Variants in RAB20 observed in about 807,000 individuals in gnomAD.
The protein encoded by RAB20 is ras-related protein Rab-20.
RAB20 carries 2 observed loss-of-function variants against 3.7 expected under a neutral mutation model. The observed-to-expected ratio is 0.54, with a 90% CI of 0.22 to 1.69. The LOEUF (loss-of-function observed/expected upper bound fraction) is 1.69, where lower values mean the gene tolerates loss of function less well. RAB20 is among the 40% of genes most tolerant of loss of function. The probability of loss-of-function intolerance (pLI) is 0.19; values close to 1 mark genes in which losing one functional copy is unlikely to be tolerated. For missense variants in RAB20, 276 were observed against 311.9 expected, an observed-to-expected ratio of 0.88 and a Z score of 0.87; for synonymous variants, 126 against 130.8, an observed-to-expected ratio of 0.96 and a Z score of 0.25.
At chr13:110,536,943 C>T (rs1305518236) in intron 1 of RAB20, among the ~76,000 whole-genome samples, 18 of 107,616 alleles carry the variant, frequency 1.7e-4, no homozygotes, top group Non-Finnish European at 3.1e-4. Context: ...CCCCACCCCA[C>T]AACAGGCCCC....
At chr13:110,532,758 A>C (rs1884565888) in intron 1 of RAB20, among the ~76,000 whole-genome samples, 2 of 152,206 alleles carry the variant, frequency 1.3e-5, no homozygotes, top group African/African-American at 4.8e-5. Context: ...GGCTCAATGC[A>C]GCCTCCATCT....
At chr13:110,527,979 T>C (rs1191879924) in intron 1 of RAB20, among the ~76,000 whole-genome samples, 2 of 151,356 alleles carry the variant, frequency 1.3e-5, no homozygotes, top group East Asian at 3.9e-4. Context: ...GACGCATGCC[T>C]GTAGTCCCAG....
intron 1 of RAB20, among the ~76,000 whole-genome samples, chr13:110,527,916 C>CACACACACAT (rs1884459175): frequency 6.7e-6 from 1 of 148,306 alleles, no homozygotes; most frequent in Admixed American, 6.6e-5. Context: ...CACACACACA[C>CACACACACAT]ACACACACAC....
At chr13:110,543,845 G>A (rs1204227612) in intron 1 of RAB20, among the ~76,000 whole-genome samples, 4 of 147,786 alleles carry the variant, frequency 2.7e-5, no homozygotes, top group Non-Finnish European at 4.4e-5. Flanking sequence ...GTGCGATCTC[G>A]GCTCACTGCA....
chr13:110,550,501 G>A (rs919813106), intron 1 of RAB20, among the ~76,000 whole-genome samples: 14 of 152,156 alleles, frequency 9.2e-5, no homozygotes, highest in African/African-American at 3.1e-4. Context: ...GGTATGAGAC[G>A]CTACCTCCGG....
chr13:110,531,136 A>C (rs1884533133), intron 1 of RAB20, among the ~76,000 whole-genome samples: 1 of 152,196 alleles, frequency 6.6e-6, no homozygotes, highest in Admixed American at 6.5e-5. Context: ...AGGAGGAGGA[A>C]CTGAGGCACA....
At position 110,541,081 on chromosome 13, in the gene RAB20, T is replaced by C. The variant is rs1006837114; in HGVS notation, c.173-16884A>G. On this transcript the variant is annotated intron_variant, in intron 1 of 1. Transcript: ENST00000267328. ...CTTGCCGAGGAGGAGACGGCCACGC[T>C]TCAGCCTCTCATCAACCCAAGGTGA... is the stretch of plus-strand genomic sequence containing the variant. Among the ~76,000 whole-genome samples the C allele has an allele frequency of 4.6e-5, 7 of 152,186 alleles. 1 individual carries two copies. The highest frequency in any genetic ancestry group is 2.9e-5 in the Non-Finnish European group (2 of 68,036).
chr13:110,534,739 T>TGC (rs1818853479), intron 1 of RAB20, among the ~76,000 whole-genome samples: 1 of 152,194 alleles, frequency 6.6e-6, no homozygotes, highest in South Asian at 2.1e-4. Context: ...TCATCATAAA[T>TGC]GCACAAGTCC....
chr13:110,523,551 G>T lies in RAB20; in HGVS notation c.*114C>A, dbSNP rs970865040. On this transcript the variant is annotated 3_prime_UTR_variant, in exon 2 of 2. Transcript: ENST00000267328. ...CATTTCCACTCCAACATTCTGCTGCGGGTGTCATTCTGGAAAATAATTCCT... is the reference window on the plus strand; with the variant it reads ...CATTTCCACTCCAACATTCTGCTGCTGGTGTCATTCTGGAAAATAATTCCT... 4.7e-6 allele frequency: 7 copies of T among 1,479,396 alleles called. No individual in the cohort carries two copies. Among genetic ancestry groups the T allele is most frequent in the Middle Eastern group, 2.0e-4 (1 of 4,978 alleles). 91.6% of individuals were successfully genotyped at this position (1,479,396 alleles called of 1,614,324 possible). A position where few individuals can be genotyped will look rare whatever the true frequency, so the allele number is the denominator to read the frequency against.
At position 110,555,232 on chromosome 13, in the gene RAB20, T is replaced by C. The variant is rs1225081578; in HGVS notation, c.172+6116A>G. Among the ~76,000 whole-genome samples the C allele has an allele frequency of 6.6e-6, 1 of 152,152 alleles. No homozygotes were observed. The highest frequency in any genetic ancestry group is 2.4e-5 in the African/African-American group (1 of 41,442). ...CGTCCTGTTACACACAGGCCACACC[T>C]GCTCTCCCACCACAAACCTCCAACT... On this transcript the variant is annotated intron_variant, in intron 1 of 1. Transcript: ENST00000267328. The surrounding 1 kb of genome is among the most constrained non-coding windows in gnomAD (Gnocchi z 4.0).
At chr13:110,556,801 G>C (rs1165651642) in intron 1 of RAB20, among the ~76,000 whole-genome samples, 1 of 152,144 alleles carries the variant, frequency 6.6e-6, no homozygotes, top group Non-Finnish European at 1.5e-5. Flanking sequence ...TAAAATGCTG[G>C]GATTACAGGC....
chr13:110,561,570 G>T lies in RAB20; in HGVS notation c.-51C>A. 6.7e-7 allele frequency: 1 copy of T among 1,502,136 alleles called. No individual in the cohort carries two copies. Among genetic ancestry groups the T allele is most frequent in the Non-Finnish European group, 8.9e-7 (1 of 1,128,416 alleles). 93.1% of individuals were successfully genotyped at this position (1,502,136 alleles called of 1,614,324 possible). On this transcript the variant is annotated 5_prime_UTR_variant, in exon 1 of 2. Coordinates refer to ENST00000267328, the MANE Select transcript of RAB20 (RefSeq NM_017817.3). ...CCGCGCCCTCTCCCCGAGGCTGGCC[G>T]GCTCGTGCGCCCTGGGCGCAGCTGG...
chr13:110,558,728 C>T (rs1181518745), intron 1 of RAB20, among the ~76,000 whole-genome samples: 1 of 107,050 alleles, frequency 9.3e-6, no homozygotes. Context: ...GAGACAGAGT[C>T]TCGCTCTGTC....
At chr13:110,547,491 G>A (rs1056030998) in intron 1 of RAB20, among the ~76,000 whole-genome samples, 5 of 152,292 alleles carry the variant, frequency 3.3e-5, no homozygotes, top group African/African-American at 7.2e-5. Flanking sequence ...AACGTAGCCC[G>A]ATGTACATTT....
Position 110,528,492 on chromosome 13 carries a change from A to C in RAB20, c.173-4295T>G, listed in dbSNP as rs558837179. On this transcript the variant is annotated intron_variant, in intron 1 of 1. Transcript: ENST00000267328. ...ACCACAGTACTAAGACTTTTGTTTC[A>C]GGGACACTAATCCCATAGATAACAG... Among the ~76,000 whole-genome samples the C allele has an allele frequency of 5.9e-5, 9 of 152,122 alleles. No individual in the cohort carries two copies. In the East Asian group the frequency reaches 1.2e-3, roughly 20 times the overall value.
chr13:110,538,619 G>GA (rs71419779), intron 1 of RAB20, among the ~76,000 whole-genome samples: 5,968 of 115,316 alleles, frequency 0.052, 427 homozygotes, highest in Non-Finnish European at 0.068. Context: ...AAAAAAAAAA[G>GA]AAAGAAAAGA....
Position 110,555,676 on chromosome 13 carries a change from G to A in RAB20, c.172+5672C>T, listed in dbSNP as rs1885026590. 6.6e-6 allele frequency among the ~76,000 whole-genome samples: 1 copy of A among 152,248 alleles called. No homozygotes were observed. The highest frequency in any genetic ancestry group is 2.1e-4 in the South Asian group (1 of 4,832). ...AAACGTGAATCAGCCTGTGCCTTCT[G>A]CGGGTGAAACCAGTCATCAGCCGGC... is the stretch of plus-strand genomic sequence containing the variant. On this transcript the variant is annotated intron_variant, in intron 1 of 1. Coordinates refer to ENST00000267328, the MANE Select transcript of RAB20 (RefSeq NM_017817.3). The surrounding 1 kb of genome is among the most constrained non-coding windows in gnomAD (Gnocchi z 4.0).
At chr13:110,527,115 T>C (rs1029563147) in intron 1 of RAB20, among the ~76,000 whole-genome samples, 1 of 152,058 alleles carries the variant, frequency 6.6e-6, no homozygotes, top group Non-Finnish European at 1.5e-5. Flanking sequence ...TAGAGCCAAA[T>C]AGCCAAGAAG....
At chr13:110,559,702 G>A (rs907622470) in intron 1 of RAB20, among the ~76,000 whole-genome samples, 1 of 152,228 alleles carries the variant, frequency 6.6e-6, no homozygotes, top group Admixed American at 6.5e-5. Flanking sequence ...AACGCTTCAA[G>A]ACATCTGGGG....
Sources: gnomAD v4.1 joint callset for allele counts (sites outside exome capture counted in the v4.1 genomes callset) on GRCh38, gnomAD v4.1.1 for gene constraint, Gnocchi (gnomAD v3.1) non-coding constraint, MANE v1.5 for transcripts, NCBI Gene and HGNC (gene_info 2026-07-23, HGNC 2026-07-21) for gene names.